The following RNF150 variants were observed in gnomAD, a reference collection of about 807,000 sequenced individuals.
RNF150 encodes the protein ring finger protein 150.
A neutral mutation model predicts 39.3 loss-of-function variants in RNF150; 24 were observed. The observed-to-expected ratio is 0.61, with a 90% CI of 0.44 to 0.86. The LOEUF (loss-of-function observed/expected upper bound fraction) is 0.86. Ranked by LOEUF, RNF150 falls within the 40% of genes least tolerant of loss-of-function variation. The pLI is 0.00. For missense variants in RNF150, 502 were observed against 587.8 expected (o/e 0.85, Z 1.51); for synonymous variants, 255 against 227.3 (o/e 1.12, Z -1.10).
chr4:140,875,349 T>C (rs2111192057), intron 6 of RNF150, among the ~76,000 whole-genome samples: 1 of 151,790 alleles, frequency 6.6e-6, no homozygotes, highest in African/African-American at 2.4e-5. Flanking sequence ...AATTAAAATA[T>C]TTTTTTTCAT....
At chr4:140,943,749 C>T (rs1732178717) in intron 4 of RNF150, among the ~76,000 whole-genome samples, 1 of 152,082 alleles carries the variant, frequency 6.6e-6, no homozygotes, top group Admixed American at 6.6e-5. Context: ...GTTTCTTGTT[C>T]CAAATGAAGC....
At position 140,999,944 on chromosome 4, in the gene RNF150, A is replaced by AG. The variant is rs1553935623; in HGVS notation, c.485-32072dup. On this transcript the variant is annotated intron_variant, in intron 1 of 6. Coordinates refer to ENST00000515673, the MANE Select transcript of RNF150 (RefSeq NM_020724.2). The stretch of plus-strand genomic sequence containing the variant: ...CAGAGTGAGACTTGGTCTCAAAAAA[A>AG]GAAGAAGAAGAAGAAGAAGAAGAAG... Among the ~76,000 whole-genome samples, 6 of 27,076 alleles carry AG rather than the reference A, an allele frequency of 2.2e-4. 1 individual carries two copies. The highest frequency in any genetic ancestry group is 1.0e-4 in the Non-Finnish European group (1 of 9,880). The allele number at this position is 27,076 out of a possible 152,430, so 17.8% of individuals were successfully genotyped here. A position where few individuals can be genotyped will look rare whatever the true frequency, so the allele number is the denominator to read the frequency against.
intron 6 of RNF150, among the ~76,000 whole-genome samples, chr4:140,887,004 C>A (rs1487683045): frequency 2.6e-5 from 4 of 152,102 alleles, no homozygotes; most frequent in African/African-American, 9.7e-5. Flanking sequence ...CATTTTCCCC[C>A]AAAATTTTTG....
Position 141,206,905 on chromosome 4 carries a change from C to T in RNF150, c.-6+5889G>A, listed in dbSNP as rs188076029. Among the ~76,000 whole-genome samples the T allele has an allele frequency of 1.7e-3, 263 of 152,088 alleles. 3 individuals carry two copies. Among genetic ancestry groups the T allele is most frequent in the African/African-American group, 6.1e-3 (252 of 41,464 alleles). ...TAGTCTGTGATTGAAGGCCTGAGAA[C>T]CCCCGAGAAGCTGCTGGTGCAAGTC... On this transcript the variant is annotated intron_variant, in intron 1 of 7. Transcript: ENST00000420921.
intron 6 of RNF150, among the ~76,000 whole-genome samples, chr4:140,871,377 T>C (rs1259383587): frequency 6.6e-6 from 1 of 152,164 alleles, no homozygotes; most frequent in African/African-American, 2.4e-5. Context: ...TAATAAAAAA[T>C]GCCTGCTTTT....
At chr4:141,107,697 A>G (rs2111052183) in intron 1 of RNF150, among the ~76,000 whole-genome samples, 1 of 152,282 alleles carries the variant, frequency 6.6e-6, no homozygotes, top group East Asian at 1.9e-4. Flanking sequence ...GGACTCTGTA[A>G]AAAAGGGGAT....
chr4:141,072,623 A>T (rs1162658568), intron 1 of RNF150, among the ~76,000 whole-genome samples: 1 of 152,226 alleles, frequency 6.6e-6, no homozygotes, highest in Non-Finnish European at 1.5e-5. Flanking sequence ...GCAATCACAA[A>T]TATAATTACA....
chr4:140,870,980 TTC>T (rs146835294), intron 6 of RNF150, among the ~76,000 whole-genome samples: 12,123 of 148,836 alleles, frequency 0.081, 743 homozygotes, highest in African/African-American at 0.18. Context: ...ACAATAAGAA[TTC>T]TCTCTCTCTC....
At chr4:141,079,723 T>C (rs530855370) in intron 1 of RNF150, among the ~76,000 whole-genome samples, 1 of 152,214 alleles carries the variant, frequency 6.6e-6, no homozygotes, top group South Asian at 2.1e-4. Flanking sequence ...AGTTTCCTCA[T>C]CTGAAAAATG....
chr4:140,878,164 G>GTTTTTTTTTTTTTTTTT (rs58338048), intron 6 of RNF150, among the ~76,000 whole-genome samples: 1 of 90,508 alleles, frequency 1.1e-5, no homozygotes, highest in Non-Finnish European at 2.2e-5. Context: ...ATCTCATTGT[G>GTTTTTTTTTTTTTTTTT]TTTTTTTTTT....
chr4:140,865,541 CTTTTTTTTTTTCTT>C lies in RNF150; in HGVS notation c.*2706_*2719del, dbSNP rs1339010085. On this transcript the variant is annotated 3_prime_UTR_variant, in exon 7 of 7. Coordinates refer to ENST00000515673, the MANE Select transcript of RNF150 (RefSeq NM_020724.2). ...CTGAAAGAGAAACTTTCTGGTTAAG[CTTTTTTTTTTTCTT>C]TTTTTTTTTTTTTTTAAACTATCAA... The C allele has an allele frequency of 4.3e-5, 6 of 138,762 alleles. No individual in the cohort carries two copies. The highest frequency in any genetic ancestry group is 1.3e-4 in the African/African-American group (5 of 37,392). The allele number at this position is 138,762 out of a possible 1,614,324, so 8.6% of individuals were successfully genotyped here.
chr4:140,893,080 A>T (rs982068648), intron 6 of RNF150, among the ~76,000 whole-genome samples: 1 of 152,098 alleles, frequency 6.6e-6, no homozygotes. Context: ...AAGAAAAAAA[A>T]AGGTCTGAGG....
chr4:141,084,034 A>C (rs551998851), intron 1 of RNF150, among the ~76,000 whole-genome samples: 1 of 152,332 alleles, frequency 6.6e-6, no homozygotes, highest in South Asian at 2.1e-4. Flanking sequence ...CCTAATTTGA[A>C]TCATGATATT....
chr4:141,210,098 G>C (rs1728438715), intron 1 of RNF150, among the ~76,000 whole-genome samples: 1 of 152,140 alleles, frequency 6.6e-6, no homozygotes, highest in Admixed American at 6.5e-5. Context: ...AAAATTATTA[G>C]AAATGGTAAG....
rs575560800 is a variant in RNF150 at position 141,102,594 on chromosome 4, C to G, written c.484+29731G>C. ...CCACTAACAAGAATAACCTTATCCT[C>G]AAACCACTCTACAGACAGTCCTGCT... On this transcript the variant is annotated intron_variant, in intron 1 of 6. Coordinates refer to ENST00000515673, the MANE Select transcript of RNF150 (RefSeq NM_020724.2). Among the ~76,000 whole-genome samples the G allele has an allele frequency of 8.1e-4, 123 of 152,298 alleles. 2 individuals carry two copies. The South Asian group carries it at 0.025, about 31-fold the overall frequency.
intron 1 of RNF150, among the ~76,000 whole-genome samples, chr4:141,052,062 G>A (rs114159241): frequency 2.1e-4 from 32 of 152,188 alleles, no homozygotes; most frequent in Non-Finnish European, 4.1e-4. Flanking sequence ...AGGGAAACTC[G>A]TTTTTAAAAC....
At chr4:141,111,528 T>C (rs1017691890) in intron 1 of RNF150, among the ~76,000 whole-genome samples, 12 of 152,208 alleles carry the variant, frequency 7.9e-5, no homozygotes, top group African/African-American at 2.7e-4. Context: ...AGATCCACAC[T>C]TGTGTTCAGA....
At chr4:140,959,617 G>A (rs1166832011) in intron 2 of RNF150, among the ~76,000 whole-genome samples, 1 of 152,118 alleles carries the variant, frequency 6.6e-6, no homozygotes, top group Non-Finnish European at 1.5e-5. Context: ...AACAAGCATC[G>A]CGAGTGAAGA....
intron 4 of RNF150, among the ~76,000 whole-genome samples, chr4:140,931,460 G>A (rs186753731): frequency 8.5e-5 from 13 of 152,240 alleles, no homozygotes; most frequent in African/African-American, 1.7e-4. Flanking sequence ...CCTCCTAAGT[G>A]GAAAGAAAAG....
Sources: allele counts gnomAD v4.1 joint callset (sites outside exome capture counted in the v4.1 genomes callset), GRCh38; gene constraint gnomAD v4.1.1; transcripts MANE v1.5; gene names NCBI Gene and HGNC (gene_info 2026-07-23, HGNC 2026-07-21).